The following CDCP1 variants were observed in gnomAD, a reference collection of about 807,000 sequenced individuals.
CDCP1 encodes CUB domain-containing protein 1.
Under a neutral mutation model 60.2 loss-of-function variants are expected in CDCP1, and 29 were observed. The observed-to-expected ratio is 0.48, with a 90% confidence interval of 0.36 to 0.66. CDCP1 has a LOEUF of 0.66. CDCP1 is among the 30% of genes least tolerant of loss of function. The pLI, the probability that CDCP1 is intolerant of heterozygous loss-of-function variation, is 0.00. For missense variants in CDCP1, 876 were observed against 1,074.3 expected (o/e 0.82, Z 2.58); for synonymous variants, 387 against 431.1 (o/e 0.90, Z 1.27).
chr3:45,100,084 T>G (rs1054760947), intron 4 of CDCP1, among the ~76,000 whole-genome samples: 1 of 152,202 alleles, frequency 6.6e-6, no homozygotes, highest in African/African-American at 2.4e-5. Flanking sequence ...TTGACTGGGC[T>G]TCTCAGTAGG....
intron 6 of CDCP1, among the ~76,000 whole-genome samples, chr3:45,092,851 C>G (rs1000202769): frequency 2.0e-5 from 3 of 152,202 alleles, no homozygotes; most frequent in East Asian, 3.9e-4. Flanking sequence ...TCCCTCCCAA[C>G]GCTCCTCCCT....
Position 45,084,590 on chromosome 3 carries a change from C to T in CDCP1, c.*1048G>A, listed in dbSNP as rs1017025113. ...TCTAGAAGCTTGAAATGGCAAGGAACCGGCTTCTCCCTAGAGCCTTCAGAA... is the reference window on the plus strand; with the variant it reads ...TCTAGAAGCTTGAAATGGCAAGGAATCGGCTTCTCCCTAGAGCCTTCAGAA... On this transcript the variant is annotated 3_prime_UTR_variant, in exon 9 of 9. Transcript: ENST00000296129. The T allele has an allele frequency of 6.6e-6, 1 of 152,304 alleles. No homozygotes were observed. The highest frequency in any genetic ancestry group is 1.5e-5 in the Non-Finnish European group (1 of 68,046). 9.4% of individuals were successfully genotyped at this position (152,304 alleles called of 1,614,324 possible).
At chr3:45,119,784 CTCATGTGACCACCACAA>C (rs1256391674) in intron 1 of CDCP1, among the ~76,000 whole-genome samples, 1 of 152,184 alleles carries the variant, frequency 6.6e-6, no homozygotes, top group East Asian at 1.9e-4. Flanking sequence ...AATGTATACA[CTCATGTGACCACCACAA>C]TCAGGATATA....
chr3:45,112,491 G>GC, intron 2 of CDCP1, 46 bp from the exon 3 acceptor site: 2 of 1,580,046 alleles, frequency 1.3e-6, no homozygotes, highest in Non-Finnish European at 1.7e-6. Flanking sequence ...ATGCTCCAAG[G>GC]CCCCACACCA....
intron 1 of CDCP1, among the ~76,000 whole-genome samples, chr3:45,145,070 T>C (rs752900070): frequency 1.3e-5 from 2 of 152,146 alleles, no homozygotes; most frequent in Non-Finnish European, 2.9e-5. Context: ...TGCAGCAATA[T>C]GTCACCTGAT....
chr3:45,125,882 T>C (rs1698972521), intron 1 of CDCP1, among the ~76,000 whole-genome samples: 1 of 152,224 alleles, frequency 6.6e-6, no homozygotes. Flanking sequence ...CCCTTCTACA[T>C]GTTGACTCAT....
intron 7 of CDCP1, among the ~76,000 whole-genome samples, chr3:45,090,205 A>G (rs960209720): frequency 6.6e-6 from 1 of 152,162 alleles, no homozygotes; most frequent in African/African-American, 2.4e-5. Context: ...TGACCCCCAG[A>G]AAGGGAAAGG....
rs138452985 is a variant in CDCP1, at chr3:45,109,138, G to A, written c.1024+1335C>T. ...CTAATTTTTGACTTTTTTGTAGGAC[G>A]GGGTTTTGCCACGTAGGCCAGGCTG... is the stretch of plus-strand genomic sequence containing the variant. On this transcript the variant is annotated intron_variant, in intron 4 of 8. Coordinates refer to ENST00000296129, the MANE Select transcript of CDCP1 (RefSeq NM_022842.5). Among the ~76,000 whole-genome samples the A allele has an allele frequency of 5.8e-3, 878 of 150,940 alleles. 13 individuals are homozygous for A. Among genetic ancestry groups the A allele is most frequent in the African/African-American group, 0.02 (808 of 41,070 alleles).
intron 1 of CDCP1, chr3:45,139,384 C>T (rs974267912): frequency 3.3e-5 from 5 of 152,208 alleles, no homozygotes; most frequent in African/African-American, 1.2e-4. Context: ...AGGATTTGAA[C>T]CAAGCTTTGA....
At chr3:45,112,493 C>T (rs771926242) in intron 2 of CDCP1, 48 bp from the exon 3 acceptor site, 2 of 1,578,546 alleles carry the variant, frequency 1.3e-6, no homozygotes, top group African/African-American at 1.3e-5. Flanking sequence ...GCTCCAAGGC[C>T]CCACACCACT....
At chr3:45,142,774 C>T (rs1260216975) in intron 1 of CDCP1, among the ~76,000 whole-genome samples, 2 of 152,062 alleles carry the variant, frequency 1.3e-5, no homozygotes, top group African/African-American at 4.8e-5. Flanking sequence ...GTGCAAAGAC[C>T]TAAGAACCTC....
At chr3:45,117,242 T>C (rs1286628373) in intron 2 of CDCP1, among the ~76,000 whole-genome samples, 2 of 152,212 alleles carry the variant, frequency 1.3e-5, no homozygotes, top group Admixed American at 6.5e-5. Flanking sequence ...TATAAATGCA[T>C]GTTTCCCTAC....
At position 45,093,635 on chromosome 3, in the gene CDCP1, G is replaced by C; in HGVS notation, c.1269C>G (p.Cys423Trp). ...KTISCTDHRY[C>W]QRKSYSLQVP... ...CCTGGAGTGAGTAGGATTTCCTTTG[G>C]CAGTACCGGTGGTCTGTGCAGCCTG... Residue 423 changes from cysteine (C) to tryptophan (W), a missense_variant, in exon 6 of 9, where the codon TGC becomes TGG. Coordinates refer to ENST00000296129, the MANE Select transcript of CDCP1 (RefSeq NM_022842.5). 2 of 1,613,440 alleles carry C rather than the reference G, an allele frequency of 1.2e-6. No individual in the cohort carries two copies. The highest frequency in any genetic ancestry group is 8.5e-7 in the Non-Finnish European group (1 of 1,179,558).
intron 2 of CDCP1, among the ~76,000 whole-genome samples, chr3:45,117,073 G>T (rs1045795678): frequency 2.0e-5 from 3 of 152,128 alleles, no homozygotes; most frequent in Non-Finnish European, 2.9e-5. Context: ...ATTAAGTGTA[G>T]TTTTTAAAAT....
At chr3:45,134,625 T>C (rs930023300) in intron 1 of CDCP1, among the ~76,000 whole-genome samples, 1 of 152,066 alleles carries the variant, frequency 6.6e-6, no homozygotes, top group African/African-American at 2.4e-5. Context: ...AATCTTAAAG[T>C]GGGGGACGGG....
At chr3:45,089,209 C>T (rs1175842283) in intron 7 of CDCP1, 68 bp from the exon 8 acceptor site, 9 of 1,307,486 alleles carry the variant, frequency 6.9e-6, no homozygotes, top group Admixed American at 1.8e-5. Flanking sequence ...GAACTTGAGG[C>T]ATCTCCAAAA....
At chr3:45,120,471 G>A (rs1698864363) in intron 1 of CDCP1, among the ~76,000 whole-genome samples, 1 of 152,118 alleles carries the variant, frequency 6.6e-6, no homozygotes, top group South Asian at 2.1e-4. Context: ...AAATGAAGGG[G>A]TGGGGCTAGA....
Position 45,118,529 on chromosome 3 carries a change from C to A in CDCP1, c.175G>T (p.Val59Phe). ...ATGGTTATATGTCTTTTAGAAATGACGATGTAACAGGGTTTTGCCAGCAGA... is the reference window on the plus strand; with the variant it reads ...ATGGTTATATGTCTTTTAGAAATGAAGATGTAACAGGGTTTTGCCAGCAGA... ...PTLLAKPCYI[V>F]ISKRHITMLS... Residue 59 changes from valine (V) to phenylalanine (F), a missense_variant, in exon 2 of 9, where the codon GTC becomes TTC. Val to Phe is a conservative substitution (Grantham distance 50). Transcript: ENST00000296129. 1 of 1,614,016 alleles carries A rather than the reference C, an allele frequency of 6.2e-7. No homozygotes were observed. The highest frequency in any genetic ancestry group is 1.1e-5 in the South Asian group (1 of 91,070).
intron 1 of CDCP1, among the ~76,000 whole-genome samples, chr3:45,129,419 G>A (rs1699051207): frequency 6.6e-6 from 1 of 152,162 alleles, no homozygotes; most frequent in Non-Finnish European, 1.5e-5. Flanking sequence ...CTTTGAACAC[G>A]GGAATTGCAG....
Sources: gnomAD v4.1 joint callset for allele counts (sites outside exome capture counted in the v4.1 genomes callset) on GRCh38, gnomAD v4.1.1 for gene constraint, MANE v1.5 for transcripts, NCBI Gene and HGNC (gene_info 2026-07-23, HGNC 2026-07-21) for gene names.